The following STAB1 variants were observed in gnomAD, a reference collection of about 807,000 sequenced individuals.
STAB1 encodes stabilin 1, also known as stabilin-1.
In STAB1, 250 loss-of-function variants were observed where a neutral mutation model predicts 332.4. That is an observed-to-expected ratio of 0.75 (90% CI 0.68 to 0.84). STAB1 has a LOEUF of 0.84. STAB1 is among the 40% of genes least tolerant of loss of function. The pLI is 0.00. For missense variants in STAB1, 3,249 were observed against 3,489.7 expected (o/e 0.93, Z 1.74); for synonymous variants, 1,475 against 1,390.4 (o/e 1.06, Z -1.35).
rs1372220062 is a variant in STAB1, at chr3:52,522,664, C to A, written c.6720C>A (p.Phe2240Leu). Residue 2240 changes from phenylalanine to leucine, a missense_variant, in exon 61 of 69, where the codon TTC becomes TTA. Transcript: ENST00000321725. Reference sequence around the variant, plus strand: ...CACAGGGAGCCGTCCTTGCTTCATTCCCTCAGCTCTCTGCTGCCCAGCAGG... The same window carrying A: ...CACAGGGAGCCGTCCTTGCTTCATTACCTCAGCTCTCTGCTGCCCAGCAGG... ...CEAQGAVLAS[F>L]PQLSAAQQLG... is the part of the protein sequence containing the mutation. 6.2e-7 allele frequency: 1 copy of A among 1,612,944 alleles called. No homozygotes were observed. The highest frequency in any genetic ancestry group is 2.2e-5 in the East Asian group (1 of 44,880).
Position 52,520,461 on chromosome 3 carries a change from G to T in STAB1, c.5561G>T (p.Gly1854Val). 7 of 1,612,806 alleles carry T rather than the reference G, an allele frequency of 4.3e-6. No homozygotes were observed. Among genetic ancestry groups the T allele is most frequent in the Non-Finnish European group, 5.1e-6 (6 of 1,179,916 alleles). The stretch of plus-strand genomic sequence containing the variant: ...GTGCAGCGGCACTTGCCCTTTGAGG[G>T]TGGCCTGGCCTATGGCATCGACCAG... The part of the protein sequence containing the change: ...RIVQRHLPFE[G>V]GLAYGIDQLL... Residue 1854 changes from glycine to valine, a missense_variant, in exon 53 of 69, where the codon GGT (glycine) becomes GTT (valine). Transcript: ENST00000321725.
At chr3:52,519,894 C>G (rs1575360903) in intron 50 of STAB1, 50 bp from the exon 51 acceptor site, 1 of 1,524,762 alleles carries the variant, frequency 6.6e-7, no homozygotes, top group Non-Finnish European at 8.8e-7. Flanking sequence ...CCTTTGCTAA[C>G]TAGTCTCTGA....
Position 52,501,699 on chromosome 3 carries a change from A to G in STAB1, c.277A>G (p.Lys93Glu). ...GAGCGGCTGCAGACGGAAGTGCCGG[A>G]AGCAAGTGGTGCAGAAGGCCTGCTG... Reference protein sequence around the residue: ...SMSGCRRKCRKQVVQKACCPG... With the variant: ...SMSGCRRKCREQVVQKACCPG... Residue 93 changes from lysine (K) to glutamate (E), a missense_variant, in exon 3 of 69, where the codon AAG becomes GAG. Transcript: ENST00000321725. 6.3e-7 allele frequency: 1 copy of G among 1,582,862 alleles called. No homozygotes were observed. The highest frequency in any genetic ancestry group is 2.3e-5 in the East Asian group (1 of 42,878).
intron 33 of STAB1, 70 bp from the exon 34 acceptor site, chr3:52,514,295 G>A (rs1011225755): frequency 6.3e-7 from 1 of 1,591,508 alleles, no homozygotes; most frequent in Non-Finnish European, 8.6e-7. Flanking sequence ...AAGGGACACA[G>A]TGGGTGTGGC....
chr3:52,516,504 TG>T (rs752928139), intron 39 of STAB1, 37 bp from the exon 40 acceptor site: 2 of 1,613,458 alleles, frequency 1.2e-6, no homozygotes, highest in South Asian at 2.2e-5. Flanking sequence ...AGGCTGTTCC[TG>T]GGTCTGAATG....
At position 52,505,353 on chromosome 3, in the gene STAB1, C is replaced by A. The variant is rs143005034; in HGVS notation, c.1553C>A (p.Ala518Asp). The change falls in exon 14 of 69, where the codon GCC (alanine) becomes GAC (aspartate). Residue 518 changes from alanine to aspartate, a missense_variant. Transcript: ENST00000321725. ...TIGQILASTE[A>D]FSRFETILEN... ...GGACAGATCCTCGCCTCTACCGAGG[C>A]CTTCAGCCGCTTTGAAACCATCCTG... 1.9e-5 allele frequency: 30 copies of A among 1,613,646 alleles called. No homozygotes were observed. In the East Asian group the frequency reaches 2.0e-4, roughly 11 times the overall value.
chr3:52,516,304 G>A (rs1575346920), intron 38 of STAB1, 52 bp from the exon 39 acceptor site: 32 of 1,606,286 alleles, frequency 2.0e-5, no homozygotes, highest in East Asian at 8.9e-5. Flanking sequence ...GACCCCAGCC[G>A]GGACAGGATG....
rs374083483 is a variant in STAB1, at chr3:52,503,560, C to G, written c.891+20C>G. 6.2e-7 allele frequency: 1 copy of G among 1,610,074 alleles called. No homozygotes were observed. The highest frequency in any genetic ancestry group is 8.5e-7 in the Non-Finnish European group (1 of 1,178,072). On this transcript the variant is annotated intron_variant, in intron 8 of 68. Coordinates refer to ENST00000321725, the MANE Select transcript of STAB1 (RefSeq NM_015136.3). ...GGCCAGGTGAGCCAGGGTCCCAGGCCGGAACTGTCCCCACAGTGCACCCAA... is the reference window on the plus strand; with the variant it reads ...GGCCAGGTGAGCCAGGGTCCCAGGCGGGAACTGTCCCCACAGTGCACCCAA...
In STAB1 at chr3:52,504,866, A is replaced by G; in HGVS notation, c.1367A>G (p.Asn456Ser). The G allele has an allele frequency of 1.9e-6, 3 of 1,613,604 alleles. No individual in the cohort carries two copies. Among genetic ancestry groups the G allele is most frequent in the Non-Finnish European group, 2.5e-6 (3 of 1,180,004 alleles). ...LAGQEITVTF[N>S]QFTKYSYKYK... ...GGGCAGGAGATCACCGTCACCTTTA[A>G]CCAATTCACGGTGAGGGAGGAGCCT... Residue 456 changes from asparagine to serine, a missense_variant, in exon 12 of 69, where the codon AAC becomes AGC. By Grantham distance (46) the Asn-to-Ser change is conservative. Coordinates refer to ENST00000321725, the MANE Select transcript of STAB1 (RefSeq NM_015136.3).
rs1575325562 is a variant in STAB1, at chr3:52,509,410, C to T, written c.2347+89C>T. 10 of 1,176,060 alleles carry T rather than the reference C, an allele frequency of 8.5e-6. No individual in the cohort carries two copies. In the East Asian group the frequency reaches 2.3e-4, roughly 27 times the overall value. 72.9% of individuals were successfully genotyped at this position (1,176,060 alleles called of 1,614,324 possible). A position where few individuals can be genotyped will look rare whatever the true frequency, so the allele number is the denominator to read the frequency against. Reference sequence around the variant, plus strand: ...GGGGCTCTCAAGAAGGGAAACGAAGCCCCAGGAGGAGGGACGAAGGCCAAG... The same window carrying T: ...GGGGCTCTCAAGAAGGGAAACGAAGTCCCAGGAGGAGGGACGAAGGCCAAG... On this transcript the variant is annotated intron_variant, in intron 22 of 68. Transcript: ENST00000321725.
At chr3:52,504,648 G>T (rs1178225158) in intron 11 of STAB1, 91 bp from the exon 12 acceptor site, 11 of 1,611,664 alleles carry the variant, frequency 6.8e-6, no homozygotes, top group Non-Finnish European at 7.6e-6. Context: ...TCAGGGCCTG[G>T]GATGCATCCT....
chr3:52,504,375 C>T, intron 10 of STAB1, 86 bp from the exon 11 acceptor site: 1 of 1,484,126 alleles, frequency 6.7e-7, no homozygotes, highest in Non-Finnish European at 9.4e-7. Flanking sequence ...CCAACTCCCC[C>T]ACACCAGGTC....
intron 48 of STAB1, 37 bp downstream of exon 48, chr3:52,518,906 C>CCCCGCCCCGCCCTGT (rs1553678773): frequency 1.4e-6 from 2 of 1,439,294 alleles, no homozygotes; most frequent in Admixed American, 2.4e-5. Context: ...CTCCATCCCG[C>CCCCGCCCCGCCCTGT]CCCGCCCCGC....
rs2079196655 is a variant in STAB1, at chr3:52,524,323, C to T, written c.7680C>T (p.Phe2560=). The T allele has an allele frequency of 6.2e-7, 1 of 1,613,782 alleles. No homozygotes were observed. The highest frequency in any genetic ancestry group is 1.3e-5 in the African/African-American group (1 of 74,956). ...AGGACTCACTGCTGGAGGAGGACTT[C>T]CCTGACACCCAGAGGATCCTCACAG... ...PFDDSLLEED[F]PDTQRILTVK The change falls in exon 69 of 69, where the codon TTC becomes TTT. Residue 2560 remains phenylalanine (F), a synonymous_variant. Coordinates refer to ENST00000321725, the MANE Select transcript of STAB1 (RefSeq NM_015136.3).
chr3:52,512,927 C>T lies in STAB1; in HGVS notation c.3127C>T (p.Leu1043=). Residue 1043 remains leucine (L), a synonymous_variant, in exon 29 of 69, where the codon CTG becomes TTG. Transcript: ENST00000321725. ...QLSPEDRAFW[L]QPRTLPNLVR... ...GAGCCCCGAGGACCGAGCTTTCTGG[C>T]TGCAGCCAAGGACGCTGCCGAACCT... 6.2e-7 allele frequency: 1 copy of T among 1,611,778 alleles called. No homozygotes were observed. Among genetic ancestry groups the T allele is most frequent in the Non-Finnish European group, 8.5e-7 (1 of 1,179,676 alleles).
chr3:52,509,199 T>C lies in STAB1; in HGVS notation c.2236-11T>C. The C allele has an allele frequency of 1.9e-6, 3 of 1,612,354 alleles. No individual in the cohort carries two copies. The highest frequency in any genetic ancestry group is 2.5e-6 in the Non-Finnish European group (3 of 1,179,074). On this transcript the variant is annotated splice_polypyrimidine_tract_variant and intron_variant, in intron 21 of 68. Coordinates refer to ENST00000321725, the MANE Select transcript of STAB1 (RefSeq NM_015136.3). ...TCCCATGACTGATCCTGCCTTCTGC[T>C]CACTCTCTAGTGCAGTGATGGGATC... is the stretch of plus-strand genomic sequence containing the variant.
At chr3:52,510,585 A>G (rs1709226915) in intron 25 of STAB1, 78 bp downstream of exon 25, 6 of 1,518,988 alleles carry the variant, frequency 4.0e-6, no homozygotes, top group African/African-American at 1.4e-5. Flanking sequence ...CCTGGAATGC[A>G]GAGTCAGGTG....
Position 52,495,379 on chromosome 3 carries a change from C to T in STAB1, c.-35C>T. ...TGCCTCCTAGAGCTCATTCCCTACGCCCCGACTCTGTCCTGGACAGCGTGC... is the reference window on the plus strand; with the variant it reads ...TGCCTCCTAGAGCTCATTCCCTACGTCCCGACTCTGTCCTGGACAGCGTGC... On this transcript the variant is annotated 5_prime_UTR_variant, in exon 1 of 69. Coordinates refer to ENST00000321725, the MANE Select transcript of STAB1 (RefSeq NM_015136.3). 7.6e-7 allele frequency: 1 copy of T among 1,311,482 alleles called. No individual in the cohort carries two copies. 81.2% of individuals were successfully genotyped at this position (1,311,482 alleles called of 1,614,324 possible).
At position 52,505,134 on chromosome 3, in the gene STAB1, G is replaced by A. The variant is rs762114024; in HGVS notation, c.1509G>A (p.Gly503=). ...GGCAGGCCCCCTCTGGGACCCCTGGGGATCCCAAGGTGAGCCAGCATCCTC... is the reference window on the plus strand; with the variant it reads ...GGCAGGCCCCCTCTGGGACCCCTGGAGATCCCAAGGTGAGCCAGCATCCTC... ...LRWQAPSGTP[G]DPKRTIGQIL... Residue 503 remains glycine (G), a synonymous_variant, in exon 13 of 69, where the codon GGG becomes GGA. Transcript: ENST00000321725. The A allele has an allele frequency of 1.1e-5, 18 of 1,613,018 alleles. No individual in the cohort carries two copies. In the South Asian group the frequency reaches 1.5e-4, roughly 14 times the overall value.
Sources: allele counts gnomAD v4.1 joint callset, GRCh38; gene constraint gnomAD v4.1.1; transcripts MANE v1.5; gene names NCBI Gene and HGNC (gene_info 2026-07-23, HGNC 2026-07-21).